GPCPD1: variants seen among roughly 807,000 people sequenced by gnomAD.
The protein encoded by GPCPD1 is glycerophosphocholine phosphodiesterase GPCPD1.
GPCPD1 carries 29 observed loss-of-function variants against 89.2 expected under a neutral mutation model. That is an observed-to-expected ratio of 0.33 (90% confidence interval 0.24 to 0.44). The LOEUF is 0.44. Ranked by LOEUF, GPCPD1 falls within the 20% of genes least tolerant of loss-of-function variation. The pLI is 1.00. For synonymous variants in GPCPD1, 258 were observed against 266.3 expected (o/e 0.97, Z 0.30); for missense variants, 594 against 808.9 (o/e 0.73, Z 3.22).
In GPCPD1 at chr20:5,560,036, A is replaced by G. The variant is rs1986001103; in HGVS notation, c.1436T>C (p.Met479Thr). 6.3e-7 allele frequency: 1 copy of G among 1,579,752 alleles called. No individual in the cohort carries two copies. The highest frequency in any genetic ancestry group is 8.6e-7 in the Non-Finnish European group (1 of 1,159,912). ...TAAAATTATATCCAAAAACAGATTC[A>G]TGTCAAAATATGTTGATAAGTTACC... ...WDGNLSTYFDMNLFLDIILKT... is the reference protein window; with the variant it reads ...WDGNLSTYFDTNLFLDIILKT... Residue 479 changes from methionine to threonine, a missense_variant, in exon 17 of 20, where the codon ATG becomes ACG. Physicochemically the swap from Met to Thr is moderately conservative, Grantham distance 81. Coordinates refer to ENST00000379019, the MANE Select transcript of GPCPD1 (RefSeq NM_019593.5).
intron 6 of GPCPD1, among the ~76,000 whole-genome samples, chr20:5,583,966 T>C (rs558446836): frequency 6.6e-6 from 1 of 152,338 alleles, no homozygotes; most frequent in East Asian, 1.9e-4. Context: ...TATTTAACAG[T>C]AGGGATTTGT....
chr20:5,587,485 G>A (rs537088146), intron 4 of GPCPD1, among the ~76,000 whole-genome samples: 17 of 151,598 alleles, frequency 1.1e-4, no homozygotes, highest in African/African-American at 3.9e-4. Context: ...CCCCTGCCTC[G>A]GCCTCCTGAG....
In GPCPD1 at chr20:5,604,455, A is replaced by G; in HGVS notation, c.-28-15T>C. On this transcript the variant is annotated splice_polypyrimidine_tract_variant and intron_variant, in intron 1 of 19. Transcript: ENST00000379019. ...ATGATGTCGTGCTAGGAAAAAAAAG[A>G]AAAGTAACTTATAGTATAAAAATAT... 8.1e-7 allele frequency: 1 copy of G among 1,241,710 alleles called. No homozygotes were observed. The highest frequency in any genetic ancestry group is 1.2e-6 in the Non-Finnish European group (1 of 856,238). The allele number at this position is 1,241,710 out of a possible 1,614,324, so 76.9% of individuals were successfully genotyped here.
At chr20:5,570,339 A>C in intron 11 of GPCPD1, 100 bp from the exon 12 acceptor site, 1 of 491,720 alleles carries the variant, frequency 2.0e-6, no homozygotes, top group Non-Finnish European at 3.7e-6. Context: ...AAAATTACAG[A>C]CCTGTACAAA....
In GPCPD1 at chr20:5,556,131, G is replaced by A. The variant is rs573839659; in HGVS notation, c.1829+1814C>T. On this transcript the variant is annotated intron_variant, in intron 19 of 19. Coordinates refer to ENST00000379019, the MANE Select transcript of GPCPD1 (RefSeq NM_019593.5). Reference sequence around the variant, plus strand: ...ATTGTTAGCATTTCCTAGTAATAACGTATTTTAAAATTAAGATATATACTG... The same window carrying A: ...ATTGTTAGCATTTCCTAGTAATAACATATTTTAAAATTAAGATATATACTG... Among the ~76,000 whole-genome samples, 14 of 152,258 alleles carry A rather than the reference G, an allele frequency of 9.2e-5. No individual in the cohort carries two copies. In the East Asian group the frequency reaches 9.6e-4, roughly 10 times the overall value.
intron 6 of GPCPD1, among the ~76,000 whole-genome samples, chr20:5,581,545 A>G (rs1314284582): frequency 1.3e-5 from 2 of 152,176 alleles, no homozygotes; most frequent in Non-Finnish European, 2.9e-5. Context: ...GAAGGTAAGA[A>G]CAGAACTGTG....
intron 4 of GPCPD1, among the ~76,000 whole-genome samples, chr20:5,587,784 G>C: frequency 6.6e-6 from 1 of 152,104 alleles, no homozygotes; most frequent in East Asian, 1.9e-4. Flanking sequence ...GATTAAATTT[G>C]ACGATAAGCC....
chr20:5,594,580 C>G (rs1188827020), intron 3 of GPCPD1, among the ~76,000 whole-genome samples: 1 of 151,680 alleles, frequency 6.6e-6, no homozygotes, highest in African/African-American at 2.4e-5. Context: ...GCATGAGCCA[C>G]CAGGCCCGGC....
At chr20:5,577,742 G>A (rs1978299032) in intron 8 of GPCPD1, among the ~76,000 whole-genome samples, 1 of 151,948 alleles carries the variant, frequency 6.6e-6, no homozygotes, top group African/African-American at 2.4e-5. Flanking sequence ...AGAGGGTAAG[G>A]AAACCACTAC....
At chr20:5,559,814 C>A in intron 17 of GPCPD1, 126 bp downstream of exon 17, 1 of 536,040 alleles carries the variant, frequency 1.9e-6, no homozygotes, top group East Asian at 3.3e-5. Context: ...AGGAAACACA[C>A]AACCTGACAT....
At chr20:5,593,515 C>G in intron 3 of GPCPD1, 104 bp from the exon 4 acceptor site, 1 of 679,550 alleles carries the variant, frequency 1.5e-6, no homozygotes, top group Admixed American at 2.2e-5. Flanking sequence ...TGACCAATAT[C>G]ACTTATTTAT....
intron 19 of GPCPD1, among the ~76,000 whole-genome samples, chr20:5,551,894 A>T (rs952062546): frequency 6.6e-6 from 1 of 152,166 alleles, no homozygotes; most frequent in African/African-American, 2.4e-5. Flanking sequence ...CTCTCACCAC[A>T]CCTCTCTCCA....
At chr20:5,606,421 A>G (rs1024594474) in intron 1 of GPCPD1, among the ~76,000 whole-genome samples, 6 of 152,166 alleles carry the variant, frequency 3.9e-5, no homozygotes, top group East Asian at 3.8e-4. Context: ...ATTCTAAAGT[A>G]CCTTTCATAG....
rs1985110378 is a variant in GPCPD1, at chr20:5,547,752, G to A, written c.1928C>T (p.Pro643Leu). The A allele has an allele frequency of 6.2e-7, 1 of 1,609,188 alleles. No individual in the cohort carries two copies. Among genetic ancestry groups the A allele is most frequent in the Non-Finnish European group, 8.5e-7 (1 of 1,175,704 alleles). Residue 643 changes from proline to leucine, a missense_variant, in exon 20 of 20, where the codon CCC (proline) becomes CTC (leucine). Pro to Leu is a moderately conservative substitution (Grantham distance 98). Transcript: ENST00000379019. The part of the protein sequence containing the change: ...ELPELKSCLC[P>L]TVSRFVPSSL... Reference sequence around the variant, plus strand: ...TGAGGGAACAAAGCGGCTAACAGTGGGACACAAACAGCTCTTAAGCTCTGG... The same window carrying A: ...TGAGGGAACAAAGCGGCTAACAGTGAGACACAAACAGCTCTTAAGCTCTGG...
intron 12 of GPCPD1, among the ~76,000 whole-genome samples, chr20:5,568,320 A>G (rs1408125344): frequency 6.6e-6 from 1 of 150,974 alleles, no homozygotes; most frequent in African/African-American, 2.4e-5. Context: ...CTGTACATGC[A>G]TAAAGTTTTT....
chr20:5,570,185 C>A lies in GPCPD1; in HGVS notation c.1111G>T (p.Val371Leu). 1.3e-6 allele frequency: 2 copies of A among 1,593,206 alleles called. No individual in the cohort carries two copies. The highest frequency in any genetic ancestry group is 1.7e-6 in the Non-Finnish European group (2 of 1,161,990). The change falls in exon 12 of 20, where the codon GTA becomes TTA. Residue 371 changes from valine (V) to leucine (L), a missense_variant. Physicochemically the swap from Val to Leu is conservative, Grantham distance 32. Coordinates refer to ENST00000379019, the MANE Select transcript of GPCPD1 (RefSeq NM_019593.5). ...AAACAACAGGTAAGATCATGATATA[C>A]CACGGGCACAAAGTCCTTTGAAAGG... The part of the protein sequence containing the change: ...VHLSKDFVPV[V>L]YHDLTCCLTM...
At chr20:5,550,250 G>A (rs1256435905) in intron 19 of GPCPD1, among the ~76,000 whole-genome samples, 1 of 67,756 alleles carries the variant, frequency 1.5e-5, no homozygotes, top group Non-Finnish European at 3.0e-5. Context: ...AGAATGAGTA[G>A]AAAGTAAGAT....
In GPCPD1 at chr20:5,579,991, C is replaced by T. The variant is rs751791545; in HGVS notation, c.473+17G>A. The T allele has an allele frequency of 4.7e-6, 7 of 1,499,640 alleles. No individual in the cohort carries two copies. Among genetic ancestry groups the T allele is most frequent in the African/African-American group, 1.4e-5 (1 of 71,748 alleles). The allele number at this position is 1,499,640 out of a possible 1,614,324, so 92.9% of individuals were successfully genotyped here. A position where few individuals can be genotyped will look rare whatever the true frequency, so the allele number is the denominator to read the frequency against. On this transcript the variant is annotated intron_variant, in intron 7 of 19. Transcript: ENST00000379019. The stretch of plus-strand genomic sequence containing the variant: ...GTGAAAACAAATAGCCTAAGTAACA[C>T]ATAAACATGGTCATACCTAAATCTA...
At chr20:5,568,301 G>A (rs1461002949) in intron 12 of GPCPD1, among the ~76,000 whole-genome samples, 5 of 143,716 alleles carry the variant, frequency 3.5e-5, no homozygotes, top group Non-Finnish European at 6.1e-5. Flanking sequence ...CATATGCATT[G>A]GTATGAACCT....
Sources: gnomAD v4.1 joint callset for allele counts (sites outside exome capture counted in the v4.1 genomes callset) on GRCh38, gnomAD v4.1.1 for gene constraint, MANE v1.5 for transcripts, NCBI Gene and HGNC (gene_info 2026-07-23, HGNC 2026-07-21) for gene names.